The following CTNNA2 variants were observed in gnomAD, a reference collection of about 807,000 sequenced individuals.
The protein encoded by CTNNA2 is catenin alpha-2.
A neutral mutation model predicts 101.0 loss-of-function variants in CTNNA2; 42 were observed. The observed-to-expected ratio is 0.42, with a 90% confidence interval of 0.32 to 0.54. CTNNA2 has a LOEUF of 0.54. Ranked by LOEUF, CTNNA2 falls within the 20% of genes least tolerant of loss-of-function variation. The pLI, the probability that CTNNA2 is intolerant of heterozygous loss-of-function variation, is 0.14. For synonymous variants in CTNNA2, 450 were observed against 456.4 expected, an observed-to-expected ratio of 0.99 and a Z score of 0.18; for missense variants, 871 against 1,223.1, an observed-to-expected ratio of 0.71 and a Z score of 4.29.
chr2:80,099,993 A>C (rs192766860), intron 7 of CTNNA2, among the ~76,000 whole-genome samples: 2 of 152,180 alleles, frequency 1.3e-5, no homozygotes, highest in African/African-American at 2.4e-5. Flanking sequence ...GCCATGGTGC[A>C]ATCTCAGCTC....
intron 7 of CTNNA2, among the ~76,000 whole-genome samples, chr2:80,194,041 A>G (rs1706686244): frequency 6.6e-6 from 1 of 152,204 alleles, no homozygotes; most frequent in Non-Finnish European, 1.5e-5. Context: ...GATGAGATAA[A>G]TGCAGCTTGG....
chr2:80,416,466 A>G (rs80268822), intron 8 of CTNNA2, among the ~76,000 whole-genome samples: 6,263 of 152,144 alleles, frequency 0.041, 316 homozygotes, highest in African/African-American at 0.12. Context: ...TTCCCCACCA[A>G]CACTCCTGGT....
chr2:79,757,779 T>C (rs1215549552), intron 3 of CTNNA2, among the ~76,000 whole-genome samples: 2 of 152,180 alleles, frequency 1.3e-5, no homozygotes, highest in African/African-American at 4.8e-5. Flanking sequence ...CTGTGCGACC[T>C]GGGAAAATTA....
chr2:80,570,151 C>A (rs187144180), intron 12 of CTNNA2, among the ~76,000 whole-genome samples: 7 of 152,074 alleles, frequency 4.6e-5, no homozygotes, highest in African/African-American at 1.7e-4. Flanking sequence ...TGGGTTCAAG[C>A]GATTCTCATG....
chr2:80,312,240 C>T (rs548521917), intron 7 of CTNNA2, among the ~76,000 whole-genome samples: 3 of 152,330 alleles, frequency 2.0e-5, no homozygotes, highest in South Asian at 4.1e-4. Context: ...TTACTCCTTA[C>T]GCAGGTAGCC....
chr2:80,535,398 C>T (rs1297514190), intron 9 of CTNNA2, among the ~76,000 whole-genome samples: 3 of 152,056 alleles, frequency 2.0e-5, no homozygotes, highest in South Asian at 2.1e-4. Context: ...CATCTTATGG[C>T]GGTAACATTT....
At chr2:79,774,018 C>T (rs1169246810) in intron 3 of CTNNA2, among the ~76,000 whole-genome samples, 1 of 152,166 alleles carries the variant, frequency 6.6e-6, no homozygotes, top group Non-Finnish European at 1.5e-5. Flanking sequence ...TGCAATGTGG[C>T]TTTGTGGCTT....
intron 2 of CTNNA2, among the ~76,000 whole-genome samples, chr2:79,666,743 T>C (rs1682447176): frequency 6.6e-6 from 1 of 152,224 alleles, no homozygotes; most frequent in African/African-American, 2.4e-5. Flanking sequence ...AGTTGATAAC[T>C]TCAGGAGTAA....
At chr2:80,579,611 C>G (rs1695356871) in intron 13 of CTNNA2, 1 of 152,206 alleles carries the variant, frequency 6.6e-6, no homozygotes, top group Non-Finnish European at 1.5e-5. Context: ...AACAAAACCT[C>G]TTTCTTCTCT....
chr2:80,357,425 T>A (rs1177989419), intron 7 of CTNNA2, among the ~76,000 whole-genome samples: 3 of 152,116 alleles, frequency 2.0e-5, no homozygotes, highest in African/African-American at 7.2e-5. Flanking sequence ...CCCCTCCTTT[T>A]GTGCATCTCC....
At chr2:80,438,094 G>A (rs1210633366) in intron 9 of CTNNA2, among the ~76,000 whole-genome samples, 1 of 152,148 alleles carries the variant, frequency 6.6e-6, no homozygotes, top group African/African-American at 2.4e-5. Context: ...TGGAAACAAG[G>A]GATCCAAGAC....
chr2:80,139,592 C>T (rs963094903), intron 7 of CTNNA2, among the ~76,000 whole-genome samples: 2 of 151,964 alleles, frequency 1.3e-5, no homozygotes, highest in Non-Finnish European at 2.9e-5. Context: ...TATTGATACA[C>T]ACATCAATAC....
At chr2:79,264,558 G>C (rs1409559348) in intron 2 of CTNNA2, among the ~76,000 whole-genome samples, 1 of 152,076 alleles carries the variant, frequency 6.6e-6, no homozygotes, top group Non-Finnish European at 1.5e-5. Flanking sequence ...TGATAATTAA[G>C]GCAGTTGAAA....
intron 3 of CTNNA2, among the ~76,000 whole-genome samples, chr2:79,365,996 T>G (rs1202664900): frequency 6.6e-6 from 1 of 152,194 alleles, no homozygotes; most frequent in Non-Finnish European, 1.5e-5. Context: ...TCCACCAGAC[T>G]TATGAGGCGG....
intron 3 of CTNNA2, among the ~76,000 whole-genome samples, chr2:79,801,549 T>C (rs76258989): frequency 0.16 from 23,845 of 151,798 alleles, 1,975 homozygotes; most frequent in African/African-American, 0.21. Context: ...GCATTTTTCC[T>C]GTCTCTGCAG....
chr2:79,805,356 T>C (rs1324780359), intron 3 of CTNNA2, among the ~76,000 whole-genome samples: 1 of 152,174 alleles, frequency 6.6e-6, no homozygotes, highest in Non-Finnish European at 1.5e-5. Flanking sequence ...TGAAGGTTAT[T>C]TTATACAATA....
intron 3 of CTNNA2, among the ~76,000 whole-genome samples, chr2:79,832,990 G>C (rs1380209955): frequency 1.3e-5 from 2 of 152,064 alleles, no homozygotes; most frequent in Non-Finnish European, 2.9e-5. Context: ...TTAAATATTA[G>C]CCAACAGTAA....
At chr2:79,319,790 T>G (rs1676576916) in intron 3 of CTNNA2, 1 of 152,112 alleles carries the variant, frequency 6.6e-6, no homozygotes, top group Admixed American at 6.5e-5. Flanking sequence ...ATTTGAGAAT[T>G]GTTCACTTTA....
Position 79,994,971 on chromosome 2 carries a change from T to C in CTNNA2, c.1056+85174T>C, listed in dbSNP as rs148257462. Reference sequence around the variant, plus strand: ...CTCATTGATTCTGGTATTAATCCTCTGAAAACATAATTGGAGCAGAGGGAT... The same window carrying C: ...CTCATTGATTCTGGTATTAATCCTCCGAAAACATAATTGGAGCAGAGGGAT... On this transcript the variant is annotated intron_variant, in intron 7 of 18. Transcript: ENST00000402739. 8.5e-3 allele frequency among the ~76,000 whole-genome samples: 1,291 copies of C among 152,286 alleles called. 6 individuals carry two copies. The highest frequency in any genetic ancestry group is 0.015 in the Non-Finnish European group (989 of 68,012).
Sources: allele counts gnomAD v4.1 joint callset (sites outside exome capture counted in the v4.1 genomes callset), GRCh38; gene constraint gnomAD v4.1.1; transcripts MANE v1.5; gene names NCBI Gene and HGNC (gene_info 2026-07-23, HGNC 2026-07-21).